The following PPP2R2B variants were observed in gnomAD, a reference collection of about 807,000 sequenced individuals.
The protein encoded by PPP2R2B is protein phosphatase 2 regulatory subunit Bbeta.
In PPP2R2B, 5 loss-of-function variants were observed where a neutral mutation model predicts 46.0. The observed-to-expected ratio is 0.11, with a 90% CI of 0.06 to 0.23. PPP2R2B has a LOEUF of 0.23. Among genes scored for constraint, PPP2R2B ranks in the 10% least tolerant of loss-of-function variants. PPP2R2B has a pLI of 1.00. For missense variants in PPP2R2B, 367 were observed against 575.0 expected (o/e 0.64, Z 3.70); for synonymous variants, 215 against 206.7 (o/e 1.04, Z -0.34).
At chr5:146,707,360 G>A in intron 2 of PPP2R2B, 1 of 825,482 alleles carries the variant, frequency 1.2e-6, no homozygotes, top group Non-Finnish European at 2.2e-6. Flanking sequence ...CACACAGCAT[G>A]GATGTTGGGG....
intron 1 of PPP2R2B, among the ~76,000 whole-genome samples, chr5:147,024,868 T>A (rs1050553873): frequency 1.3e-5 from 2 of 151,970 alleles, no homozygotes; most frequent in Admixed American, 6.6e-5. Context: ...AAAATATAAG[T>A]TTTAAAATCA....
intron 5 of PPP2R2B, among the ~76,000 whole-genome samples, chr5:146,684,641 A>T (rs745564099): frequency 1.3e-5 from 2 of 152,288 alleles, no homozygotes; most frequent in Middle Eastern, 3.4e-3. Context: ...CCAACATGAA[A>T]GCCCATCTAC....
intron 2 of PPP2R2B, among the ~76,000 whole-genome samples, chr5:146,711,276 T>C (rs1780201967): frequency 6.6e-6 from 1 of 152,204 alleles, no homozygotes; most frequent in Non-Finnish European, 1.5e-5. Flanking sequence ...ATCAATCTTT[T>C]TTCTTTAATG....
intron 1 of PPP2R2B, among the ~76,000 whole-genome samples, chr5:146,892,969 G>A (rs1386987919): frequency 6.6e-6 from 1 of 152,092 alleles, no homozygotes; most frequent in Non-Finnish European, 1.5e-5. Flanking sequence ...TGCTACCCTA[G>A]GTTTCTAGTT....
rs192910365 is a variant in PPP2R2B at position 146,633,428 on chromosome 5, A to G, written c.790+4823T>C. On this transcript the variant is annotated intron_variant, in intron 7 of 9. Transcript: ENST00000394411. ...CCGTTTGAGGAGGATGGAGAAAATC[A>G]ATATGAAATGTCAGGCGAGGGGTCA... Among the ~76,000 whole-genome samples, 19 of 152,344 alleles carry G rather than the reference A, an allele frequency of 1.2e-4. No homozygotes were observed. The East Asian group carries it at 3.5e-3, about 28-fold the overall frequency.
At chr5:146,925,759 A>C (rs56677078) in intron 1 of PPP2R2B, among the ~76,000 whole-genome samples, 1 of 152,180 alleles carries the variant, frequency 6.6e-6, no homozygotes, top group African/African-American at 2.4e-5. Flanking sequence ...TCCTTCCGAC[A>C]TTCCCCTGAC....
intron 2 of PPP2R2B, among the ~76,000 whole-genome samples, chr5:146,831,539 G>A (rs981183071): frequency 1.4e-5 from 2 of 146,966 alleles, no homozygotes; most frequent in African/African-American, 5.0e-5. Context: ...TGGGTTGATA[G>A]GTACAGCAAA....
At chr5:146,852,862 A>G (rs1483642506) in intron 2 of PPP2R2B, among the ~76,000 whole-genome samples, 1 of 152,168 alleles carries the variant, frequency 6.6e-6, no homozygotes, top group African/African-American at 2.4e-5. Context: ...AAGCGGAGGC[A>G]GAGTAGAGAG....
At chr5:146,734,259 A>G (rs6894769) in intron 2 of PPP2R2B, among the ~76,000 whole-genome samples, 13,300 of 151,856 alleles carry the variant, frequency 0.088, 1,353 homozygotes, top group African/African-American at 0.25. Context: ...GCCTCCCTAC[A>G]TTGCCCAGGC....
At chr5:147,072,485 C>T (rs568435219) in intron 2 of PPP2R2B, among the ~76,000 whole-genome samples, 1 of 152,228 alleles carries the variant, frequency 6.6e-6, no homozygotes, top group South Asian at 2.1e-4. Context: ...CAAGATTACT[C>T]AATCACAGTA....
Position 146,650,481 on chromosome 5 carries a change from C to T in PPP2R2B, c.625+66G>A, listed in dbSNP as rs974966312. The T allele has an allele frequency of 4.1e-6, 6 of 1,456,746 alleles. No homozygotes were observed. The African/African-American group carries it at 5.7e-5, about 14-fold the overall frequency. The allele number at this position is 1,456,746 out of a possible 1,614,324, so 90.2% of individuals were successfully genotyped here. On this transcript the variant is annotated intron_variant, in intron 6 of 9. Transcript: ENST00000394411. ...TGCATTTCTATTCCATATTTTCTCC[C>T]AGCCCACTCGCACCTGAATACTCTT... is the stretch of plus-strand genomic sequence containing the variant.
At chr5:146,810,716 T>C (rs1262087675) in intron 2 of PPP2R2B, among the ~76,000 whole-genome samples, 1 of 151,982 alleles carries the variant, frequency 6.6e-6, no homozygotes, top group African/African-American at 2.4e-5. Flanking sequence ...TTTTTTTTTC[T>C]TTTTAATATA....
upstream of PPP2R2B, among the ~76,000 whole-genome samples, chr5:147,058,425 T>A (rs987994613): frequency 1.3e-5 from 2 of 152,120 alleles, no homozygotes; most frequent in African/African-American, 4.8e-5. Context: ...CAGTAATTAC[T>A]TCCTGAGTGA....
chr5:146,988,986 A>G (rs904860262), intron 1 of PPP2R2B, among the ~76,000 whole-genome samples: 1 of 152,034 alleles, frequency 6.6e-6, no homozygotes, highest in African/African-American at 2.4e-5. Context: ...ACACGTAAAT[A>G]AATTGGTAAA....
chr5:146,871,156 C>A (rs766463486), intron 2 of PPP2R2B, among the ~76,000 whole-genome samples: 5 of 152,178 alleles, frequency 3.3e-5, no homozygotes, highest in Non-Finnish European at 5.9e-5. Context: ...TGGGTGAAAG[C>A]AAAATCGTCT....
intron 7 of PPP2R2B, among the ~76,000 whole-genome samples, chr5:146,602,746 G>A (rs1270966225): frequency 6.6e-6 from 1 of 152,134 alleles, no homozygotes; most frequent in African/African-American, 2.4e-5. Context: ...AATTGAAATT[G>A]CAAAAATTTT....
intron 7 of PPP2R2B, among the ~76,000 whole-genome samples, chr5:146,631,802 T>G (rs1243313336): frequency 6.6e-6 from 1 of 152,052 alleles, no homozygotes; most frequent in African/African-American, 2.4e-5. Flanking sequence ...TCCTGGTCCT[T>G]TGGTCCTTTG....
At chr5:146,958,410 C>T (rs1752018315) in intron 1 of PPP2R2B, among the ~76,000 whole-genome samples, 2 of 152,122 alleles carry the variant, frequency 1.3e-5, no homozygotes, top group African/African-American at 4.8e-5. Context: ...GGCATATTTA[C>T]CTTCTAAGGA....
At chr5:146,869,504 G>C (rs573305776) in intron 2 of PPP2R2B, among the ~76,000 whole-genome samples, 2 of 152,180 alleles carry the variant, frequency 1.3e-5, no homozygotes, top group African/African-American at 4.8e-5. Flanking sequence ...TCTTGAAGAC[G>C]TATCACTAGT....
Sources: allele counts gnomAD v4.1 joint callset (sites outside exome capture counted in the v4.1 genomes callset), GRCh38; gene constraint gnomAD v4.1.1; transcripts MANE v1.5; gene names NCBI Gene and HGNC (gene_info 2026-07-23, HGNC 2026-07-21).